The following AFF3 variants were observed in gnomAD, a reference collection of about 807,000 sequenced individuals.
AFF3 encodes the protein ALF transcription elongation factor 3.
In AFF3, 32 loss-of-function variants were observed where a neutral mutation model predicts 129.7. The observed-to-expected ratio is 0.25, with a 90% CI of 0.19 to 0.33. The LOEUF (loss-of-function observed/expected upper bound fraction) is 0.33, where lower values mean the gene tolerates loss of function less well. Among genes scored for constraint, AFF3 ranks in the 10% least tolerant of loss-of-function variants. The pLI is 1.00. For missense variants in AFF3, 1,373 were observed against 1,592.0 expected (o/e 0.86, Z 2.34); for synonymous variants, 644 against 635.4 (o/e 1.01, Z -0.20).
At chr2:100,138,923 T>TAAC (rs1692743829) in intron 1 of AFF3, among the ~76,000 whole-genome samples, 1 of 110,250 alleles carries the variant, frequency 9.1e-6, no homozygotes, top group Non-Finnish European at 1.7e-5. Flanking sequence ...CCAGCCTGGG[T>TAAC]AACAGAGCAA....
At chr2:100,110,931 A>G (rs1023082670) in intron 2 of AFF3, among the ~76,000 whole-genome samples, 3 of 152,232 alleles carry the variant, frequency 2.0e-5, no homozygotes, top group Non-Finnish European at 4.4e-5. Context: ...TATGTCAGTC[A>G]GGATTTCTCA....
chr2:99,735,236 C>T (rs1205872691), intron 10 of AFF3, among the ~76,000 whole-genome samples: 1 of 151,960 alleles, frequency 6.6e-6, no homozygotes, highest in Non-Finnish European at 1.5e-5. Context: ...TTTTTGATTC[C>T]TAATATTATT....
At chr2:99,704,251 C>A (rs1677150239) in intron 11 of AFF3, among the ~76,000 whole-genome samples, 2 of 152,134 alleles carry the variant, frequency 1.3e-5, no homozygotes, top group South Asian at 4.1e-4. Context: ...CAGCTTTGGG[C>A]TTTTACCATT....
rs1363265111 is a variant in AFF3 at position 99,789,952 on chromosome 2, A to G, written c.922-37651T>C. Among the ~76,000 whole-genome samples, 3 of 152,326 alleles carry G rather than the reference A, an allele frequency of 2.0e-5. No individual in the cohort carries two copies. The East Asian group carries it at 5.8e-4, about 29-fold the overall frequency. The stretch of plus-strand genomic sequence containing the variant: ...AATGTAGATCCAGTGAAAATTACAC[A>G]TGCATGGACCCTGGTGATGATACCT... On this transcript the variant is annotated intron_variant, in intron 8 of 24. Coordinates refer to ENST00000672756, the MANE Select transcript of AFF3 (RefSeq NM_001386135.1).
chr2:99,592,672 G>A (rs1204875250), intron 15 of AFF3, among the ~76,000 whole-genome samples: 1 of 152,186 alleles, frequency 6.6e-6, no homozygotes, highest in East Asian at 1.9e-4. Flanking sequence ...GGTGGCTCAT[G>A]CCTGTAATCC....
intron 7 of AFF3, among the ~76,000 whole-genome samples, chr2:99,894,538 A>G (rs557512573): frequency 1.6e-3 from 238 of 149,624 alleles, no homozygotes; most frequent in Middle Eastern, 0.01. Flanking sequence ...GCGCGATCTC[A>G]GCTCACTGCA....
At chr2:99,982,917 C>A (rs1679542263) in intron 7 of AFF3, among the ~76,000 whole-genome samples, 1 of 152,110 alleles carries the variant, frequency 6.6e-6, no homozygotes, top group Non-Finnish European at 1.5e-5. Flanking sequence ...TATAATGACC[C>A]AGGTAATTGC....
At chr2:100,111,215 A>C (rs1309953962) in intron 2 of AFF3, among the ~76,000 whole-genome samples, 1 of 152,276 alleles carries the variant, frequency 6.6e-6, no homozygotes, top group Admixed American at 6.5e-5. Flanking sequence ...TATTGCAGCT[A>C]ACCCATTAGA....
chr2:99,966,949 T>C (rs964305422), intron 7 of AFF3, among the ~76,000 whole-genome samples: 4 of 152,106 alleles, frequency 2.6e-5, no homozygotes, highest in African/African-American at 9.7e-5. Context: ...CTTAATGATG[T>C]TCCCTCAGGA....
chr2:99,595,498 C>A (rs1205009225), intron 14 of AFF3, among the ~76,000 whole-genome samples: 1 of 151,830 alleles, frequency 6.6e-6, no homozygotes, highest in African/African-American at 2.4e-5. Context: ...AAGTCTAGAG[C>A]AAATTGGGTC....
intron 15 of AFF3, among the ~76,000 whole-genome samples, chr2:99,591,930 TA>T (rs1321565589): frequency 2.0e-5 from 3 of 152,324 alleles, no homozygotes; most frequent in Admixed American, 2.0e-4. Context: ...TGAAATGATT[TA>T]ACATGTATAA....
At chr2:99,719,152 G>C (rs954803072) in intron 11 of AFF3, among the ~76,000 whole-genome samples, 1 of 134,844 alleles carries the variant, frequency 7.4e-6, no homozygotes, top group Non-Finnish European at 1.5e-5. Context: ...TTTAAATCAT[G>C]AATGGATGCT....
chr2:100,068,102 G>A (rs1219202264), intron 4 of AFF3, among the ~76,000 whole-genome samples: 2 of 152,200 alleles, frequency 1.3e-5, no homozygotes, highest in African/African-American at 4.8e-5. Flanking sequence ...AAGGCCGCAA[G>A]ATCACAAGCT....
intron 11 of AFF3, among the ~76,000 whole-genome samples, chr2:99,718,123 G>T (rs1678549952): frequency 6.6e-6 from 1 of 152,136 alleles, no homozygotes; most frequent in African/African-American, 2.4e-5. Context: ...TAACTCTGTT[G>T]TTCTTAAAGA....
At chr2:100,063,817 C>T (rs1821830) in intron 4 of AFF3, among the ~76,000 whole-genome samples, 22,026 of 152,032 alleles carry the variant, frequency 0.14, 1,922 homozygotes, top group East Asian at 0.28. Flanking sequence ...AGGCTGGGCG[C>T]GGTGGCTCAC....
intron 3 of AFF3, 61 bp downstream of exon 3, chr2:100,105,443 T>G (rs1573442373): frequency 7.6e-7 from 1 of 1,320,872 alleles, no homozygotes; most frequent in Non-Finnish European, 1.0e-6. Context: ...CCAGTGGTGG[T>G]CCCACCCACC....
At chr2:99,707,581 T>C in intron 11 of AFF3, 1 of 985,360 alleles carries the variant, frequency 1.0e-6, no homozygotes, top group Non-Finnish European at 1.2e-6. Context: ...AAATCCCCCT[T>C]GCAATTAATA....
intron 15 of AFF3, among the ~76,000 whole-genome samples, chr2:99,588,446 G>A (rs371366491): frequency 3.3e-5 from 5 of 152,290 alleles, no homozygotes; most frequent in African/African-American, 1.2e-4. Context: ...CCAAAGTGCT[G>A]GGATTACAGG....
At chr2:99,876,437 AAGTCAGG>A (rs369484481) in intron 7 of AFF3, among the ~76,000 whole-genome samples, 1 of 152,132 alleles carries the variant, frequency 6.6e-6, no homozygotes, top group African/African-American at 2.4e-5. Flanking sequence ...CTTCATCAGT[AAGTCAGG>A]ACAATTCTGC....
Sources: gnomAD v4.1 joint callset for allele counts (sites outside exome capture counted in the v4.1 genomes callset) on GRCh38, gnomAD v4.1.1 for gene constraint, MANE v1.5 for transcripts, NCBI Gene and HGNC (gene_info 2026-07-23, HGNC 2026-07-21) for gene names.